FAM78B: variants seen among roughly 807,000 people sequenced by gnomAD.
The protein encoded by FAM78B is family with sequence similarity 78 member B.
In FAM78B, 10 loss-of-function variants were observed where a neutral mutation model predicts 20.0. The observed-to-expected ratio is 0.50, with a 90% CI of 0.31 to 0.85. The LOEUF is 0.85. FAM78B is among the 40% of genes least tolerant of loss of function. The pLI is 0.05. For missense variants in FAM78B, 283 were observed against 345.0 expected (o/e 0.82, Z 1.42); for synonymous variants, 135 against 132.8 (o/e 1.02, Z -0.12).
rs1267294850 is a variant in FAM78B, at chr1:166,069,936, G to T, written c.*305C>A. The T allele has an allele frequency of 1.0e-5, 11 of 1,062,144 alleles. No homozygotes were observed. The highest frequency in any genetic ancestry group is 5.1e-5 in the Admixed American group (1 of 19,482). 65.8% of individuals were successfully genotyped at this position (1,062,144 alleles called of 1,614,324 possible). A position where few individuals can be genotyped will look rare whatever the true frequency, so the allele number is the denominator to read the frequency against. ...TCCATCCCCTGCATCTCACAGGAAAGAAATGGTCAATAGTTCAGATAAAAG... is the reference window on the plus strand; with the variant it reads ...TCCATCCCCTGCATCTCACAGGAAATAAATGGTCAATAGTTCAGATAAAAG... On this transcript the variant is annotated 3_prime_UTR_variant, in exon 2 of 2. Coordinates refer to ENST00000354422, the MANE Select transcript of FAM78B (RefSeq NM_001017961.5).
At chr1:166,060,363 C>G in exon 3 of FAM78B, 1 of 351,694 alleles carries the variant, frequency 2.8e-6, no homozygotes, top group African/African-American at 2.1e-5. Context: ...TGAACCCCAT[C>G]TTTCTACACA....
In FAM78B at chr1:166,166,100, T is replaced by C. The variant is rs758617157; in HGVS notation, c.149A>G (p.Lys50Arg). 6.2e-7 allele frequency: 1 copy of C among 1,612,544 alleles called. No individual in the cohort carries two copies. The highest frequency in any genetic ancestry group is 1.3e-5 in the African/African-American group (1 of 74,746). ...GGGCATGACCACGCGGGCGGAGGCT[T>C]TGAAGTAGGGGGTCTTGTAGCGCAG... is the stretch of plus-strand genomic sequence containing the variant. ...IVLRYKTPYF[K>R]ASARVVMPPI... is the part of the protein sequence containing the mutation. The change falls in exon 1 of 2, where the codon AAA (lysine) becomes AGA (arginine). Residue 50 changes from lysine (K) to arginine (R), a missense_variant. Lys to Arg is a conservative substitution (Grantham distance 26). Transcript: ENST00000354422.
intron 1 of FAM78B, among the ~76,000 whole-genome samples, chr1:166,085,417 A>T (rs1207703487): frequency 6.6e-6 from 1 of 152,204 alleles, no homozygotes; most frequent in Non-Finnish European, 1.5e-5. Flanking sequence ...AGATCTCTTC[A>T]GATCTTTTGG....
chr1:166,111,952 A>AG (rs1384906181), intron 1 of FAM78B, among the ~76,000 whole-genome samples: 1 of 152,202 alleles, frequency 6.6e-6, no homozygotes, highest in Non-Finnish European at 1.5e-5. Context: ...AGTTGAGTTC[A>AG]GTTAAGTTGT....
At chr1:166,149,328 C>T (rs1655592690) in intron 1 of FAM78B, among the ~76,000 whole-genome samples, 1 of 152,198 alleles carries the variant, frequency 6.6e-6, no homozygotes, top group African/African-American at 2.4e-5. Context: ...TCTTAAACTC[C>T]ATCCTTTGAG....
chr1:166,076,436 TCCCTTATTCTTGG>T (rs1309415194), intron 1 of FAM78B, among the ~76,000 whole-genome samples: 2 of 152,272 alleles, frequency 1.3e-5, no homozygotes, highest in Admixed American at 1.3e-4. Context: ...CTCCCTTGCC[TCCCTTATTCTTGG>T]CCCAAATACC....
At chr1:166,157,314 A>C (rs757136421) in intron 1 of FAM78B, among the ~76,000 whole-genome samples, 43 of 151,680 alleles carry the variant, frequency 2.8e-4, no homozygotes, top group South Asian at 1.5e-3. Context: ...AACAAAAATC[A>C]CAAGTGTTGA....
chr1:166,118,948 A>G (rs1654364582), intron 1 of FAM78B, among the ~76,000 whole-genome samples: 1 of 152,098 alleles, frequency 6.6e-6, no homozygotes, highest in East Asian at 1.9e-4. Flanking sequence ...ACCAGGACAG[A>G]GGGGCAGAGG....
chr1:166,109,822 ATATATATATGTATATATG>A lies in FAM78B; in HGVS notation c.264-39077_264-39060del, dbSNP rs1259965779. Reference sequence around the variant, plus strand: ...GATATATATGTATATATGTATATATATATATATATGTATATATGTATATATATATATATATATATGTAT... The same window carrying A: ...GATATATATGTATATATGTATATATATATATATATATATATATATATGTAT... On this transcript the variant is annotated intron_variant, in intron 1 of 1. Coordinates refer to ENST00000354422, the MANE Select transcript of FAM78B (RefSeq NM_001017961.5). Among the ~76,000 whole-genome samples the A allele has an allele frequency of 6.5e-3, 121 of 18,732 alleles. 10 individuals are homozygous for A. The highest frequency in any genetic ancestry group is 0.022 in the African/African-American group (112 of 5,048). 12.3% of individuals were successfully genotyped at this position (18,732 alleles called of 152,430 possible). A position where few individuals can be genotyped will look rare whatever the true frequency, so the allele number is the denominator to read the frequency against.
intron 1 of FAM78B, among the ~76,000 whole-genome samples, chr1:166,084,205 C>CCACACACACACACACACACA (rs374157991): frequency 1.3e-4 from 16 of 121,160 alleles, no homozygotes; most frequent in East Asian, 7.4e-4. Context: ...GATGTAGAAA[C>CCACACACACACACACACACA]CACACACACA....
intron 1 of FAM78B, among the ~76,000 whole-genome samples, chr1:166,095,503 G>A (rs1032225697): frequency 3.9e-5 from 6 of 152,194 alleles, no homozygotes; most frequent in Admixed American, 1.3e-4. Flanking sequence ...TTGGGGGCAT[G>A]TGTACTCTTC....
intron 1 of FAM78B, among the ~76,000 whole-genome samples, chr1:166,117,702 G>C (rs1315140190): frequency 6.6e-6 from 1 of 152,210 alleles, no homozygotes; most frequent in African/African-American, 2.4e-5. Context: ...TCACTGGTCT[G>C]AAAGAATGCA....
chr1:166,084,232 C>CACAG (rs1344700150), intron 1 of FAM78B, among the ~76,000 whole-genome samples: 2 of 136,860 alleles, frequency 1.5e-5, no homozygotes, highest in Admixed American at 7.5e-5. Flanking sequence ...CACACACACA[C>CACAG]ACACACTCTC....
In FAM78B at chr1:166,060,602, C is replaced by T. The variant is rs149271742; in HGVS notation, c.*471G>A. The T allele has an allele frequency of 4.3e-3, 5,492 of 1,289,118 alleles. 20 individuals are homozygous for T. Among genetic ancestry groups the T allele is most frequent in the Non-Finnish European group, 4.9e-3 (4,796 of 988,604 alleles). 79.9% of individuals were successfully genotyped at this position (1,289,118 alleles called of 1,614,324 possible). A position where few individuals can be genotyped will look rare whatever the true frequency, so the allele number is the denominator to read the frequency against. On this transcript the variant is annotated 3_prime_UTR_variant and NMD_transcript_variant, in exon 3 of 3. Transcript: ENST00000435676. ...GGAGCCGCCAGCCATTGCTCACTTC[C>T]TCCTTCTCAGTCTCTGCCATGTGGT...
chr1:166,152,309 C>CG (rs1221418577), intron 1 of FAM78B, among the ~76,000 whole-genome samples: 1 of 152,190 alleles, frequency 6.6e-6, no homozygotes, highest in Non-Finnish European at 1.5e-5. Context: ...TAACCTTGCC[C>CG]GGGCCTTTCA....
In FAM78B at chr1:166,166,867, C is replaced by T. The variant is rs1656424009; in HGVS notation, c.-619G>A. 6.6e-6 allele frequency: 1 copy of T among 151,618 alleles called. No individual in the cohort carries two copies. 9.4% of individuals were successfully genotyped at this position (151,618 alleles called of 1,614,324 possible). On this transcript the variant is annotated 5_prime_UTR_variant, in exon 1 of 2. Transcript: ENST00000354422. The stretch of plus-strand genomic sequence containing the variant: ...AGCTCCCGCCGGCCCCGCCCCGTAG[C>T]CGGACCACACCGACACTCCTCGGCC...
At chr1:166,089,375 C>T (rs1036585536) in intron 1 of FAM78B, among the ~76,000 whole-genome samples, 4 of 152,152 alleles carry the variant, frequency 2.6e-5, no homozygotes, top group Non-Finnish European at 4.4e-5. Context: ...ATTCCATCAG[C>T]GTGTATGAAG....
rs1656351589 is a variant in FAM78B at position 166,165,860 on chromosome 1, A to C, written c.263+126T>G. Reference sequence around the variant, plus strand: ...GTAGGGAGGAGGGAGGTGGGAGAGGAGGCGGGAGGAAGGTTTAGAAAGACG... The same window carrying C: ...GTAGGGAGGAGGGAGGTGGGAGAGGCGGCGGGAGGAAGGTTTAGAAAGACG... On this transcript the variant is annotated intron_variant, in intron 1 of 1. Transcript: ENST00000354422. 7 of 1,077,216 alleles carry C rather than the reference A, an allele frequency of 6.5e-6. No homozygotes were observed. In the Admixed American group the frequency reaches 1.5e-4, roughly 23 times the overall value. The allele number at this position is 1,077,216 out of a possible 1,614,324, so 66.7% of individuals were successfully genotyped here.
chr1:166,141,426 A>C (rs1414057270), intron 1 of FAM78B, among the ~76,000 whole-genome samples: 1 of 152,240 alleles, frequency 6.6e-6, no homozygotes, highest in Non-Finnish European at 1.5e-5. Flanking sequence ...AACAACTGAA[A>C]AAACAGTTTG....
Sources: allele counts gnomAD v4.1 joint callset (sites outside exome capture counted in the v4.1 genomes callset), GRCh38; gene constraint gnomAD v4.1.1; transcripts MANE v1.5; gene names NCBI Gene and HGNC (gene_info 2026-07-23, HGNC 2026-07-21).